ADAM10: variants seen among roughly 807,000 people sequenced by gnomAD.
ADAM10 encodes the protein disintegrin and metalloproteinase domain-containing protein 10.
Under a neutral mutation model 90.1 loss-of-function variants are expected in ADAM10, and 17 were observed. That is an observed-to-expected ratio of 0.19 (90% confidence interval 0.13 to 0.28). The LOEUF (loss-of-function observed/expected upper bound fraction) is 0.28, where lower values mean the gene tolerates loss of function less well. Among genes scored for constraint, ADAM10 ranks in the 10% least tolerant of loss-of-function variants. The pLI, the probability that ADAM10 is intolerant of heterozygous loss-of-function variation, is 1.00. For missense variants in ADAM10, 610 were observed against 914.3 expected, an observed-to-expected ratio of 0.67 and a Z score of 4.29; for synonymous variants, 310 against 298.6, an observed-to-expected ratio of 1.04 and a Z score of -0.40.
chr15:58,707,980 G>A (rs1393778909), intron 2 of ADAM10, among the ~76,000 whole-genome samples: 1 of 152,004 alleles, frequency 6.6e-6, no homozygotes, highest in Non-Finnish European at 1.5e-5. Flanking sequence ...AGGAGGCTGA[G>A]GCACAAGGAT....
intron 4 of ADAM10, among the ~76,000 whole-genome samples, chr15:58,670,268 G>A (rs1897164362): frequency 6.6e-6 from 1 of 151,624 alleles, no homozygotes; most frequent in African/African-American, 2.4e-5. Flanking sequence ...ATACATGAAG[G>A]TATTATTAAG....
intron 11 of ADAM10, among the ~76,000 whole-genome samples, chr15:58,617,128 A>T (rs1346580971): frequency 1.3e-5 from 2 of 152,154 alleles, no homozygotes; most frequent in East Asian, 1.9e-4. Context: ...AAAAATAAAA[A>T]AATAAAATAA....
chr15:58,740,914 G>A (rs1899592431), intron 1 of ADAM10, among the ~76,000 whole-genome samples: 1 of 152,114 alleles, frequency 6.6e-6, no homozygotes, highest in South Asian at 2.1e-4. Flanking sequence ...TTATCCATCT[G>A]TATTTTGTAA....
intron 1 of ADAM10, among the ~76,000 whole-genome samples, chr15:58,735,478 C>T (rs1297236556): frequency 1.3e-5 from 2 of 152,162 alleles, no homozygotes; most frequent in Admixed American, 6.6e-5. Context: ...TCCATTGATG[C>T]TCAAATCCCT....
chr15:58,621,624 G>A lies in ADAM10; in HGVS notation c.1361-3C>T, dbSNP rs1362734897. The A allele has an allele frequency of 2.5e-6, 4 of 1,613,768 alleles. No homozygotes were observed. Among genetic ancestry groups the A allele is most frequent in the East Asian group, 2.2e-5 (1 of 44,864 alleles). Reference sequence around the variant, plus strand: ...TCCACAAATAGGTTGGCCAGATTCTGAGGAAAATAAACAAGACAAAGTAAG... The same window carrying A: ...TCCACAAATAGGTTGGCCAGATTCTAAGGAAAATAAACAAGACAAAGTAAG... On this transcript the variant is annotated splice_polypyrimidine_tract_variant and splice_region_variant and intron_variant, in intron 10 of 15. Coordinates refer to ENST00000260408, the MANE Select transcript of ADAM10 (RefSeq NM_001110.4).
At chr15:58,746,674 G>A (rs1899801514) in intron 1 of ADAM10, among the ~76,000 whole-genome samples, 1 of 152,218 alleles carries the variant, frequency 6.6e-6, no homozygotes, top group African/African-American at 2.4e-5. Flanking sequence ...ACTTTGGGAA[G>A]CCAAGGTAGG....
chr15:58,633,343 T>A lies in ADAM10; in HGVS notation c.1029A>T (p.Ile343=). 1 of 1,613,672 alleles carries A rather than the reference T, an allele frequency of 6.2e-7. No homozygotes were observed. The highest frequency in any genetic ancestry group is 8.5e-7 in the Non-Finnish European group (1 of 1,179,756). The stretch of plus-strand genomic sequence containing the variant: ...CTGAATAGAGTTTACTTTTTTCACA[T>A]ATTCCTCCAGAGCTTCCTAATCCAG... ...VGAPSGSSGG[I]CEKSKLYSDG... Residue 343 remains isoleucine, a synonymous_variant, in exon 9 of 16, where the codon ATA becomes ATT. Transcript: ENST00000260408.
At chr15:58,656,026 C>T (rs983854254) in intron 5 of ADAM10, among the ~76,000 whole-genome samples, 5 of 151,862 alleles carry the variant, frequency 3.3e-5, no homozygotes, top group Non-Finnish European at 7.4e-5. Context: ...AGATTACAGG[C>T]GTGAGCTGCC....
chr15:58,637,051 A>G (rs1377179579), intron 8 of ADAM10, among the ~76,000 whole-genome samples: 6 of 152,356 alleles, frequency 3.9e-5, no homozygotes, highest in African/African-American at 1.2e-4. Flanking sequence ...TATTTCAATG[A>G]TGTAATTTTC....
intron 5 of ADAM10, among the ~76,000 whole-genome samples, chr15:58,649,381 C>T (rs1359639055): frequency 6.6e-6 from 1 of 152,148 alleles, no homozygotes; most frequent in Non-Finnish European, 1.5e-5. Flanking sequence ...CAAGTCTTTA[C>T]TATTAGTGCT....
intron 1 of ADAM10, among the ~76,000 whole-genome samples, chr15:58,720,077 C>T (rs1293600978): frequency 2.0e-5 from 3 of 152,190 alleles, no homozygotes; most frequent in South Asian, 2.1e-4. Flanking sequence ...CTAGCCATAA[C>T]CACATGAGCT....
intron 2 of ADAM10, among the ~76,000 whole-genome samples, chr15:58,694,982 A>G (rs1388210934): frequency 2.6e-5 from 4 of 152,218 alleles, no homozygotes; most frequent in African/African-American, 9.7e-5. Flanking sequence ...CTAAGTATAT[A>G]CATTTGCCAA....
At chr15:58,665,266 C>T (rs1246362826) in intron 4 of ADAM10, 69 bp from the exon 5 acceptor site, 1 of 1,244,082 alleles carries the variant, frequency 8.0e-7, no homozygotes, top group African/African-American at 1.5e-5. Context: ...ATGAGAATTA[C>T]AAGTAAAAAT....
chr15:58,601,718 A>G (rs1895117206), intron 14 of ADAM10, among the ~76,000 whole-genome samples: 1 of 152,164 alleles, frequency 6.6e-6, no homozygotes, highest in Non-Finnish European at 1.5e-5. Context: ...ATCGTGTGCT[A>G]TATTTAGCCA....
intron 1 of ADAM10, among the ~76,000 whole-genome samples, chr15:58,723,042 AT>A (rs10717942): frequency 0.046 from 6,838 of 149,854 alleles, 374 homozygotes; most frequent in African/African-American, 0.13. Flanking sequence ...AAATCAGAGG[AT>A]TTTTTTTTTC....
Position 58,655,719 on chromosome 15 carries a change from A to AG in ADAM10, c.585+9377_585+9378insC, listed in dbSNP as rs1398885469. On this transcript the variant is annotated intron_variant, in intron 5 of 15. Coordinates refer to ENST00000260408, the MANE Select transcript of ADAM10 (RefSeq NM_001110.4). ...TAGTATATATATATATAGTATATAT[A>AG]TATATATATATATATATATATTCTT... is the stretch of plus-strand genomic sequence containing the variant. Among the ~76,000 whole-genome samples the AG allele has an allele frequency of 3.6e-3, 170 of 46,796 alleles. 1 individual carries two copies. The highest frequency in any genetic ancestry group is 4.8e-3 in the African/African-American group (31 of 6,414). 30.7% of individuals were successfully genotyped at this position (46,796 alleles called of 152,430 possible).
At position 58,614,596 on chromosome 15, in the gene ADAM10, T is replaced by TGAAG. The variant is rs569569206; in HGVS notation, c.1512-2609_1512-2606dup. On this transcript the variant is annotated intron_variant, in intron 11 of 15. Coordinates refer to ENST00000260408, the MANE Select transcript of ADAM10 (RefSeq NM_001110.4). Reference sequence around the variant, plus strand: ...TAAGACTTTATTTGTCCCTCATTTCTGAAGGATAGTTTACAAATTAGCAGC... The same window carrying TGAAG: ...TAAGACTTTATTTGTCCCTCATTTCTGAAGGAAGGATAGTTTACAAATTAGCAGC... Among the ~76,000 whole-genome samples the TGAAG allele has an allele frequency of 6.0e-4, 92 of 152,284 alleles. No individual in the cohort carries two copies. The South Asian group carries it at 6.4e-3, about 11-fold the overall frequency.
intron 1 of ADAM10, among the ~76,000 whole-genome samples, chr15:58,720,409 T>TTTTATTTTA (rs1567011538): frequency 2.2e-4 from 9 of 41,372 alleles, no homozygotes; most frequent in African/African-American, 7.3e-4. Context: ...ATTTTATTTT[T>TTTTATTTTA]TTTTTTTTTG....
At chr15:58,746,121 T>C (rs1316316251) in intron 1 of ADAM10, among the ~76,000 whole-genome samples, 1 of 152,214 alleles carries the variant, frequency 6.6e-6, no homozygotes, top group Admixed American at 6.5e-5. Context: ...CAGCTTGAGT[T>C]CGAATGTCCA....
Sources: allele counts gnomAD v4.1 joint callset (sites outside exome capture counted in the v4.1 genomes callset), GRCh38; gene constraint gnomAD v4.1.1; transcripts MANE v1.5; gene names NCBI Gene and HGNC (gene_info 2026-07-23, HGNC 2026-07-21).